ATP6V1E1: variants seen among roughly 807,000 people sequenced by gnomAD.
The protein encoded by ATP6V1E1 is ATPase H+ transporting V1 subunit E1.
ATP6V1E1 carries 21 observed loss-of-function variants against 35.2 expected under a neutral mutation model. The ratio of observed to expected loss-of-function variants is 0.60; its 90% CI spans 0.42 to 0.86. The LOEUF (loss-of-function observed/expected upper bound fraction) is 0.86. Ranked by LOEUF, ATP6V1E1 falls within the 40% of genes least tolerant of loss-of-function variation. ATP6V1E1 has a pLI of 0.00. For missense variants in ATP6V1E1, 183 were observed against 272.6 expected, an observed-to-expected ratio of 0.67 and a Z score of 2.32; for synonymous variants, 83 against 87.8, an observed-to-expected ratio of 0.95 and a Z score of 0.30.
At chr22:17,600,911 G>A (rs2057758719) in intron 5 of ATP6V1E1, 181 bp downstream of exon 5, 1 of 463,704 alleles carries the variant, frequency 2.2e-6, no homozygotes, top group Non-Finnish European at 3.8e-6. Flanking sequence ...ATTTTCCTAT[G>A]CAGCACACAT....
intron 4 of ATP6V1E1, among the ~76,000 whole-genome samples, chr22:17,606,473 C>CTGTA: frequency 7.2e-6 from 1 of 138,132 alleles, no homozygotes; most frequent in African/African-American, 2.8e-5. Flanking sequence ...GAAGTTAAGA[C>CTGTA]TGTAAGCGGT....
intron 4 of ATP6V1E1, among the ~76,000 whole-genome samples, chr22:17,604,026 A>G (rs916694782): frequency 6.6e-6 from 1 of 152,238 alleles, no homozygotes; most frequent in African/African-American, 2.4e-5. Context: ...ACGGTAATTA[A>G]GGAGTTTTAA....
rs577983690 is a variant in ATP6V1E1 at position 17,619,237 on chromosome 22, A to T, written c.99+224T>A. Reference sequence around the variant, plus strand: ...AACCTGGGAGGCGGAGTTTGCAGTGAGCCGAGATCGCGCCATTGCACTTCA... The same window carrying T: ...AACCTGGGAGGCGGAGTTTGCAGTGTGCCGAGATCGCGCCATTGCACTTCA... On this transcript the variant is annotated intron_variant, in intron 2 of 8. Coordinates refer to ENST00000253413, the MANE Select transcript of ATP6V1E1 (RefSeq NM_001696.4). 5 of 533,482 alleles carry T rather than the reference A, an allele frequency of 9.4e-6. No individual in the cohort carries two copies. In the East Asian group the frequency reaches 1.8e-4, roughly 19 times the overall value. 33.0% of individuals were successfully genotyped at this position (533,482 alleles called of 1,614,324 possible). A position where few individuals can be genotyped will look rare whatever the true frequency, so the allele number is the denominator to read the frequency against.
intron 3 of ATP6V1E1, 119 bp downstream of exon 3, chr22:17,613,092 G>T: frequency 2.2e-6 from 2 of 904,906 alleles, no homozygotes; most frequent in Non-Finnish European, 3.4e-6. Context: ...TAAACAATTT[G>T]TCAGATTAGT....
chr22:17,623,961 A>T (rs1477478500), intron 1 of ATP6V1E1, among the ~76,000 whole-genome samples: 1 of 152,154 alleles, frequency 6.6e-6, no homozygotes, highest in East Asian at 1.9e-4. Flanking sequence ...AGAAAATTTG[A>T]CCTTTAAAAA....
intron 1 of ATP6V1E1, 70 bp downstream of exon 1, chr22:17,628,533 C>T (rs1221569720): frequency 9.3e-6 from 15 of 1,607,844 alleles, no homozygotes; most frequent in Non-Finnish European, 1.3e-5. Flanking sequence ...CGCGGCCTTC[C>T]CTAGGCGGGC....
intron 4 of ATP6V1E1, 111 bp from the exon 5 acceptor site, chr22:17,601,292 G>T: frequency 1.2e-6 from 1 of 810,446 alleles, no homozygotes; most frequent in Non-Finnish European, 2.0e-6. Flanking sequence ...TTTATTGCTG[G>T]ATTTTCATTC....
chr22:17,615,929 G>A (rs1196047945), intron 2 of ATP6V1E1, among the ~76,000 whole-genome samples: 1 of 151,568 alleles, frequency 6.6e-6, no homozygotes, highest in African/African-American at 2.4e-5. Context: ...GTACTCAGGA[G>A]GCTGAGGCAG....
intron 7 of ATP6V1E1, 153 bp downstream of exon 7, chr22:17,598,041 A>C (rs1361823732): frequency 1.5e-5 from 10 of 646,492 alleles, no homozygotes; most frequent in Non-Finnish European, 2.7e-5. Context: ...CTGCGAGAAC[A>C]ACAGGAACGG....
At chr22:17,601,055 T>A in intron 5 of ATP6V1E1, 37 bp downstream of exon 5, 1 of 1,559,620 alleles carries the variant, frequency 6.4e-7, no homozygotes, top group Non-Finnish European at 8.8e-7. Context: ...TTCTCAGAAC[T>A]GTGGCTATCA....
At chr22:17,609,506 T>G (rs2146305930) in intron 4 of ATP6V1E1, among the ~76,000 whole-genome samples, 1 of 130,306 alleles carries the variant, frequency 7.7e-6, no homozygotes, top group East Asian at 2.4e-4. Context: ...TCTGGCTCTG[T>G]CACCCAGGCT....
At chr22:17,620,848 G>T (rs1270450035) in intron 1 of ATP6V1E1, among the ~76,000 whole-genome samples, 1 of 152,110 alleles carries the variant, frequency 6.6e-6, no homozygotes. Context: ...CGGATCACGA[G>T]GTCAGGAGAT....
intron 4 of ATP6V1E1, among the ~76,000 whole-genome samples, chr22:17,604,128 AT>A (rs1377658483): frequency 2.6e-5 from 4 of 152,342 alleles, no homozygotes; most frequent in Middle Eastern, 3.4e-3. Context: ...TGTCTGAAGC[AT>A]GCCTGTCCAC....
Position 17,598,217 on chromosome 22 carries a change from C to T in ATP6V1E1, c.507G>A (p.Gln169=). The change falls in exon 7 of 9, where the codon CAG becomes CAA. Residue 169 remains glutamine (Q), a synonymous_variant. Coordinates refer to ENST00000253413, the MANE Select transcript of ATP6V1E1 (RefSeq NM_001696.4). ...ACATGTCTTCAGGCAGGTAGGACTC[C>T]TGGTCAATTTGGACATCAACATCGT... is the stretch of plus-strand genomic sequence containing the variant. The part of the protein sequence containing the change: ...TKNDVDVQID[Q]ESYLPEDIAG... 1 of 1,613,842 alleles carries T rather than the reference C, an allele frequency of 6.2e-7. No individual in the cohort carries two copies. Among genetic ancestry groups the T allele is most frequent in the Non-Finnish European group, 8.5e-7 (1 of 1,179,810 alleles).
chr22:17,592,751 T>C lies in ATP6V1E1; in HGVS notation c.619-15A>G, dbSNP rs1410982060. 3 of 1,610,700 alleles carry C rather than the reference T, an allele frequency of 1.9e-6. No individual in the cohort carries two copies. Among genetic ancestry groups the C allele is most frequent in the Non-Finnish European group, 1.7e-6 (2 of 1,177,384 alleles). ...TCTGGCATCATCTGTGGAGAGAAAG[T>C]GTAATAAATACGCAATGTCAGCTGA... On this transcript the variant is annotated splice_polypyrimidine_tract_variant and intron_variant, in intron 8 of 8. Coordinates refer to ENST00000253413, the MANE Select transcript of ATP6V1E1 (RefSeq NM_001696.4).
At chr22:17,615,337 A>C (rs1490125761) in intron 2 of ATP6V1E1, among the ~76,000 whole-genome samples, 3 of 152,026 alleles carry the variant, frequency 2.0e-5, no homozygotes, top group Admixed American at 2.0e-4. Flanking sequence ...AAATTTTATT[A>C]TACATTATTT....
At position 17,611,964 on chromosome 22, in the gene ATP6V1E1, T is replaced by G. The variant is rs77717782; in HGVS notation, c.276+848A>C. On this transcript the variant is annotated intron_variant, in intron 4 of 8. Coordinates refer to ENST00000253413, the MANE Select transcript of ATP6V1E1 (RefSeq NM_001696.4). ...ACTCCTAGTAATTTAATAATTTTAGTAGCTATTATAGAGAGATCTACTTTT... is the reference window on the plus strand; with the variant it reads ...ACTCCTAGTAATTTAATAATTTTAGGAGCTATTATAGAGAGATCTACTTTT... Among the ~76,000 whole-genome samples the G allele has an allele frequency of 4.7e-3, 715 of 152,370 alleles. 7 individuals are homozygous for G. Among genetic ancestry groups the G allele is most frequent in the African/African-American group, 0.017 (698 of 41,590 alleles).
At chr22:17,621,175 T>C (rs2057875295) in intron 1 of ATP6V1E1, among the ~76,000 whole-genome samples, 1 of 152,124 alleles carries the variant, frequency 6.6e-6, no homozygotes, top group Admixed American at 6.6e-5. Context: ...TCCAAATTTG[T>C]CTTCCTGCCG....
In ATP6V1E1 at chr22:17,623,298, C is replaced by T. The variant is rs118092051; in HGVS notation, c.34-3772G>A. Among the ~76,000 whole-genome samples the T allele has an allele frequency of 4.2e-3, 642 of 152,256 alleles. 15 individuals carry two copies. The East Asian group carries it at 0.059, about 14-fold the overall frequency. On this transcript the variant is annotated intron_variant, in intron 1 of 8. Transcript: ENST00000253413. ...GACCTTGCTTAAAAGATCAGCTCCA[C>T]AAATTTGGGAGTATGGAGAGGGGTC...
Sources: gnomAD v4.1 joint callset for allele counts (sites outside exome capture counted in the v4.1 genomes callset) on GRCh38, gnomAD v4.1.1 for gene constraint, MANE v1.5 for transcripts, NCBI Gene and HGNC (gene_info 2026-07-23, HGNC 2026-07-21) for gene names.